The following SLC26A7 variants were observed in gnomAD, a reference collection of about 807,000 sequenced individuals.
SLC26A7 encodes anion exchange transporter.
Under a neutral mutation model 82.5 loss-of-function variants are expected in SLC26A7, and 59 were observed. That is an observed-to-expected ratio of 0.72 (90% confidence interval 0.58 to 0.89). The LOEUF (loss-of-function observed/expected upper bound fraction) is 0.89, where lower values mean the gene tolerates loss of function less well. SLC26A7 is among the 40% of genes least tolerant of loss of function. SLC26A7 has a pLI of 0.00. For missense variants in SLC26A7, 820 were observed against 793.0 expected, an observed-to-expected ratio of 1.03 and a Z score of -0.41; for synonymous variants, 271 against 274.3, an observed-to-expected ratio of 0.99 and a Z score of 0.12.
chr8:91,270,424 A>G (rs1811237743), intron 2 of SLC26A7, among the ~76,000 whole-genome samples: 1 of 152,206 alleles, frequency 6.6e-6, no homozygotes, highest in Admixed American at 6.5e-5. Flanking sequence ...GAACCAAAAC[A>G]CAGAGCTGCA....
chr8:91,211,610 A>AT (rs1338079124), intron 1 of SLC26A7, among the ~76,000 whole-genome samples: 3 of 137,758 alleles, frequency 2.2e-5, no homozygotes, highest in Non-Finnish European at 3.1e-5. Flanking sequence ...ATATATATAT[A>AT]TATATATTTT....
At chr8:91,386,948 C>A (rs950887771) in intron 15 of SLC26A7, among the ~76,000 whole-genome samples, 2 of 152,064 alleles carry the variant, frequency 1.3e-5, no homozygotes, top group Non-Finnish European at 2.9e-5. Flanking sequence ...ACATTGTAAA[C>A]ATGATTAGTC....
chr8:91,361,174 A>AG (rs1406158135), intron 11 of SLC26A7, among the ~76,000 whole-genome samples: 1 of 152,194 alleles, frequency 6.6e-6, no homozygotes, highest in Non-Finnish European at 1.5e-5. Flanking sequence ...CCAAGGGCTC[A>AG]GCTTTTCAAA....
At chr8:91,220,457 TG>T (rs1311687422) in intron 2 of SLC26A7, among the ~76,000 whole-genome samples, 1 of 151,620 alleles carries the variant, frequency 6.6e-6, no homozygotes, top group Non-Finnish European at 1.5e-5. Context: ...GGTGCCATGG[TG>T]GTTTGCCGCC....
intron 2 of SLC26A7, among the ~76,000 whole-genome samples, chr8:91,229,685 C>T (rs1419610011): frequency 1.3e-5 from 2 of 152,240 alleles, no homozygotes; most frequent in Admixed American, 1.3e-4. Context: ...CACAAATTTA[C>T]AAGACTTTGG....
intron 2 of SLC26A7, among the ~76,000 whole-genome samples, chr8:91,243,036 A>C (rs1299126242): frequency 6.6e-6 from 1 of 152,240 alleles, no homozygotes; most frequent in Non-Finnish European, 1.5e-5. Flanking sequence ...TCACTTAAAC[A>C]GCGGTGGATT....
intron 2 of SLC26A7, among the ~76,000 whole-genome samples, chr8:91,235,043 C>T (rs1038920095): frequency 6.6e-6 from 1 of 152,142 alleles, no homozygotes; most frequent in African/African-American, 2.4e-5. Context: ...CCTCAGCCTC[C>T]TGACTAGCTG....
Position 91,395,152 on chromosome 8 carries a change from A to G in SLC26A7, c.*55A>G, listed in dbSNP as rs1457170096. 4 of 1,608,686 alleles carry G rather than the reference A, an allele frequency of 2.5e-6. No individual in the cohort carries two copies. The highest frequency in any genetic ancestry group is 2.5e-6 in the Non-Finnish European group (3 of 1,177,836). On this transcript the variant is annotated 3_prime_UTR_variant, in exon 19 of 19. Coordinates refer to ENST00000276609, the MANE Select transcript of SLC26A7 (RefSeq NM_052832.4). ...TTTACCAACTGCCTGAAGAGGCCAT[A>G]TGCTGGCATTTTGCACAACTTTTTG...
rs149453713 is a variant in SLC26A7, at chr8:91,288,710, C to G, written c.194-426C>G. ...TTTTTGTCCAGCCCTAGTTCCCCTT[C>G]CATTTCAGGCTTCTCATCTGTCAGG... On this transcript the variant is annotated intron_variant, in intron 2 of 18. Coordinates refer to ENST00000276609, the MANE Select transcript of SLC26A7 (RefSeq NM_052832.4). Among the ~76,000 whole-genome samples, 975 of 152,280 alleles carry G rather than the reference C, an allele frequency of 6.4e-3. 7 individuals are homozygous for G. Among genetic ancestry groups the G allele is most frequent in the Non-Finnish European group, 8.9e-3 (605 of 68,022 alleles).
rs1814076871 is a variant in SLC26A7 at position 91,362,452 on chromosome 8, T to C, written c.1414T>C (p.Phe472Leu). The C allele has an allele frequency of 6.2e-7, 1 of 1,611,980 alleles. No homozygotes were observed. The change falls in exon 12 of 19, where the codon TTC (phenylalanine) becomes CTC (leucine). Residue 472 changes from phenylalanine to leucine, a missense_variant. Transcript: ENST00000276609. Reference protein sequence around the residue: ...VCTIAIVIGRFPRAMTVSIKN... With the variant: ...VCTIAIVIGRLPRAMTVSIKN... Reference sequence around the variant, plus strand: ...TACCATAGCTATAGTGATAGGACGCTTCCCAAGGTAGGATCCTATGTAAAT... The same window carrying C: ...TACCATAGCTATAGTGATAGGACGCCTCCCAAGGTAGGATCCTATGTAAAT...
intron 3 of SLC26A7, among the ~76,000 whole-genome samples, chr8:91,289,610 G>A (rs536349925): frequency 2.7e-4 from 41 of 151,808 alleles, no homozygotes; most frequent in African/African-American, 9.7e-4. Context: ...GCGCCACTGC[G>A]CTGCAGCCTG....
chr8:91,299,722 C>T (rs777941458), intron 4 of SLC26A7, among the ~76,000 whole-genome samples: 8 of 152,084 alleles, frequency 5.3e-5, no homozygotes, highest in Non-Finnish European at 1.2e-4. Flanking sequence ...TAGGACTAGT[C>T]AAGCTTTGTA....
intron 4 of SLC26A7, among the ~76,000 whole-genome samples, chr8:91,316,550 C>T (rs1167513790): frequency 7.0e-6 from 1 of 143,856 alleles, no homozygotes; most frequent in Non-Finnish European, 1.5e-5. Context: ...TCAAGTGATC[C>T]TCCTGCCTCG....
intron 17 of SLC26A7, 35 bp downstream of exon 17, chr8:91,393,886 T>G: frequency 5.0e-6 from 8 of 1,613,262 alleles, no homozygotes; most frequent in Non-Finnish European, 6.8e-6. Flanking sequence ...TTGAATGTGA[T>G]TTTTCTGCAC....
At chr8:91,363,582 T>C in intron 13 of SLC26A7, 44 bp downstream of exon 13, 2 of 1,150,024 alleles carry the variant, frequency 1.7e-6, no homozygotes, top group Non-Finnish European at 2.5e-6. Flanking sequence ...GTTAATCATT[T>C]TGTGGGTGAG....
At chr8:91,269,839 G>A (rs1463068738) in intron 2 of SLC26A7, among the ~76,000 whole-genome samples, 1 of 151,942 alleles carries the variant, frequency 6.6e-6, no homozygotes, top group South Asian at 2.1e-4. Context: ...AGCTCGCTTA[G>A]TCTTTCCTCT....
intron 6 of SLC26A7, 26 bp from the exon 7 acceptor site, chr8:91,338,104 GTCAGTAATGTATATATTTTT>G: frequency 1.4e-6 from 2 of 1,410,334 alleles, no homozygotes; most frequent in Non-Finnish European, 1.9e-6. Flanking sequence ...TGTTTGAGAG[GTCAGTAATGTATATATTTTT>G]TCTTTTTTCA....
At chr8:91,363,170 A>G (rs561108856) in intron 12 of SLC26A7, among the ~76,000 whole-genome samples, 1 of 152,162 alleles carries the variant, frequency 6.6e-6, no homozygotes, top group East Asian at 1.9e-4. Flanking sequence ...TTTCATTAAA[A>G]CAATATTTTA....
intron 2 of SLC26A7, among the ~76,000 whole-genome samples, chr8:91,281,984 A>C (rs917268088): frequency 4.6e-5 from 7 of 152,130 alleles, no homozygotes; most frequent in African/African-American, 1.7e-4. Flanking sequence ...ACACTTATTG[A>C]GGTAAAATTT....
Sources: gnomAD v4.1 joint callset for allele counts (sites outside exome capture counted in the v4.1 genomes callset) on GRCh38, gnomAD v4.1.1 for gene constraint, MANE v1.5 for transcripts, NCBI Gene and HGNC (gene_info 2026-07-23, HGNC 2026-07-21) for gene names.